The following RORA variants were observed in gnomAD, a reference collection of about 807,000 sequenced individuals.
The protein encoded by RORA is RAR related orphan receptor A.
A neutral mutation model predicts 69.5 loss-of-function variants in RORA; 7 were observed. The ratio of observed to expected loss-of-function variants is 0.10; its 90% confidence interval spans 0.06 to 0.19. RORA has a LOEUF of 0.19. RORA is among the 10% of genes least tolerant of loss of function. The probability of loss-of-function intolerance (pLI) is 1.00; values close to 1 mark genes in which losing one functional copy is unlikely to be tolerated. For missense variants in RORA, 457 were observed against 663.0 expected (o/e 0.69, Z 3.41); for synonymous variants, 261 against 240.8 (o/e 1.08, Z -0.78).
intron 2 of RORA, among the ~76,000 whole-genome samples, chr15:60,573,588 A>T (rs905422398): frequency 6.6e-6 from 1 of 152,212 alleles, no homozygotes; most frequent in South Asian, 2.1e-4. Flanking sequence ...AATGAGGGTG[A>T]GAGCCTGTCA....
chr15:61,106,020 G>T (rs991267231), intron 1 of RORA, among the ~76,000 whole-genome samples: 1 of 152,172 alleles, frequency 6.6e-6, no homozygotes, highest in Non-Finnish European at 1.5e-5. Flanking sequence ...TGGTATATGG[G>T]TTCATTCCCA....
At position 60,615,138 on chromosome 15, in the gene RORA, C is replaced by G. The variant is rs139326886; in HGVS notation, c.196+63519G>C. On this transcript the variant is annotated intron_variant, in intron 2 of 10. Coordinates refer to ENST00000335670, the MANE Select transcript of RORA (RefSeq NM_134261.3). ...CCACAGCCACCCAAGTCCTAATGCT[C>G]TCTCGTGTTTCCTCATCTTAGTGCT... is the stretch of plus-strand genomic sequence containing the variant. The G allele has an allele frequency of 1.8e-4, 242 of 1,370,430 alleles. No individual in the cohort carries two copies. The African/African-American group carries it at 3.1e-3, about 17-fold the overall frequency. 84.9% of individuals were successfully genotyped at this position (1,370,430 alleles called of 1,614,324 possible).
At chr15:60,931,332 C>G (rs561941250) in intron 1 of RORA, among the ~76,000 whole-genome samples, 1 of 152,178 alleles carries the variant, frequency 6.6e-6, no homozygotes, top group Non-Finnish European at 1.5e-5. Context: ...CTGCCACCCA[C>G]GAACAGCCCC....
intron 1 of RORA, among the ~76,000 whole-genome samples, chr15:60,881,590 T>G (rs917358198): frequency 2.3e-4 from 35 of 151,930 alleles, no homozygotes; most frequent in African/African-American, 8.0e-4. Flanking sequence ...ACCTCTAGCC[T>G]TTCTTTTACC....
intron 1 of RORA, among the ~76,000 whole-genome samples, chr15:60,846,071 A>G (rs550140013): frequency 6.6e-6 from 1 of 152,218 alleles, no homozygotes. Flanking sequence ...TACCACCACC[A>G]GCATGATCCC....
At chr15:60,506,968 T>G (rs964079112) in intron 5 of RORA, among the ~76,000 whole-genome samples, 3 of 150,740 alleles carry the variant, frequency 2.0e-5, no homozygotes, top group African/African-American at 7.3e-5. Context: ...GCCTGGGCAA[T>G]AGAGCGAGAC....
At chr15:60,626,194 C>G (rs1172909113) in intron 2 of RORA, among the ~76,000 whole-genome samples, 1 of 152,152 alleles carries the variant, frequency 6.6e-6, no homozygotes. Flanking sequence ...CTCAACCTCC[C>G]CAAACCAGGA....
chr15:60,514,603 T>C lies in RORA; in HGVS notation c.424+13A>G. 4 of 1,613,760 alleles carry C rather than the reference T, an allele frequency of 2.5e-6. No homozygotes were observed. Among genetic ancestry groups the C allele is most frequent in the Non-Finnish European group, 3.4e-6 (4 of 1,179,762 alleles). On this transcript the variant is annotated intron_variant, in intron 4 of 10. Coordinates refer to ENST00000335670, the MANE Select transcript of RORA (RefSeq NM_134261.3). ...CCCCGTGCAACTGTACAACTCAAGC[T>C]GTGAGAGCTCACCATCTCGAGACAT... is the stretch of plus-strand genomic sequence containing the variant.
chr15:60,818,243 T>C (rs1436849254), intron 1 of RORA, among the ~76,000 whole-genome samples: 2 of 152,218 alleles, frequency 1.3e-5, no homozygotes, highest in African/African-American at 2.4e-5. Context: ...AAACTGCAAT[T>C]ACTTTTGTGC....
chr15:61,133,128 T>C (rs1200244978), intron 1 of RORA, among the ~76,000 whole-genome samples: 1 of 152,174 alleles, frequency 6.6e-6, no homozygotes, highest in East Asian at 1.9e-4. Flanking sequence ...AAACATTTTG[T>C]TCATTATCCC....
At chr15:60,806,377 A>T (rs1338727109) in intron 1 of RORA, among the ~76,000 whole-genome samples, 1 of 152,202 alleles carries the variant, frequency 6.6e-6, no homozygotes, top group South Asian at 2.1e-4. Context: ...AACAGCAGCC[A>T]CATGCAGACT....
intron 1 of RORA, among the ~76,000 whole-genome samples, chr15:60,887,060 C>G (rs992795932): frequency 1.3e-5 from 2 of 152,052 alleles, no homozygotes; most frequent in Non-Finnish European, 2.9e-5. Context: ...TGCTCTTCAT[C>G]AGGTTATCAC....
chr15:61,169,643 GA>G (rs59638048), intron 1 of RORA, among the ~76,000 whole-genome samples: 3,829 of 86,082 alleles, frequency 0.044, 67 homozygotes, highest in East Asian at 0.1. Context: ...CCATTTTCAT[GA>G]AAAAAAAAAA....
intron 1 of RORA, among the ~76,000 whole-genome samples, chr15:60,707,336 T>TTATTTATG (rs2071077237): frequency 1.0e-5 from 1 of 100,498 alleles, no homozygotes; most frequent in East Asian, 2.2e-4. Context: ...TTTCTTTATT[T>TTATTTATG]TATTTATTTA....
intron 1 of RORA, among the ~76,000 whole-genome samples, chr15:60,834,894 G>A (rs566563840): frequency 2.0e-5 from 3 of 151,502 alleles, no homozygotes; most frequent in East Asian, 1.9e-4. Context: ...CCTCATCTTC[G>A]CAGGATTTTT....
At chr15:61,049,473 A>G (rs978311002) in intron 1 of RORA, among the ~76,000 whole-genome samples, 1 of 152,182 alleles carries the variant, frequency 6.6e-6, no homozygotes, top group Non-Finnish European at 1.5e-5. Context: ...AGATGCTACC[A>G]TAAAAAATAC....
intron 2 of RORA, among the ~76,000 whole-genome samples, chr15:60,550,195 G>A (rs1007957905): frequency 6.6e-6 from 1 of 152,174 alleles, no homozygotes; most frequent in East Asian, 1.9e-4. Flanking sequence ...GGAGGCTGAG[G>A]CAGAGAATTT....
chr15:60,694,977 T>C (rs928376769), intron 1 of RORA, among the ~76,000 whole-genome samples: 3 of 152,188 alleles, frequency 2.0e-5, no homozygotes, highest in African/African-American at 7.2e-5. Flanking sequence ...CTATGAAATC[T>C]CAGGCTTGCC....
At chr15:60,750,134 A>G (rs370391175) in intron 1 of RORA, among the ~76,000 whole-genome samples, 3 of 152,340 alleles carry the variant, frequency 2.0e-5, no homozygotes, top group East Asian at 3.9e-4. Flanking sequence ...GGATACTATT[A>G]TCAGCTCCAA....
Sources: gnomAD v4.1 joint callset for allele counts (sites outside exome capture counted in the v4.1 genomes callset) on GRCh38, gnomAD v4.1.1 for gene constraint, MANE v1.5 for transcripts, NCBI Gene and HGNC (gene_info 2026-07-23, HGNC 2026-07-21) for gene names.